ADAM28: variants seen among roughly 807,000 people sequenced by gnomAD.
ADAM28 encodes the protein ADAM metallopeptidase domain 28.
A neutral mutation model predicts 101.2 loss-of-function variants in ADAM28; 105 were observed. That is an observed-to-expected ratio of 1.04 (90% CI 0.89 to 1.22). ADAM28 has a LOEUF of 1.22. Among genes scored for constraint, ADAM28 ranks in the 50% most tolerant of loss-of-function variants. ADAM28 has a pLI of 0.00. For synonymous variants in ADAM28, 322 were observed against 310.6 expected (o/e 1.04, Z -0.39); for missense variants, 1,028 against 945.4 (o/e 1.09, Z -1.15).
chr8:24,306,645 A>C (rs1364275080), intron 2 of ADAM28, among the ~76,000 whole-genome samples: 1 of 152,004 alleles, frequency 6.6e-6, no homozygotes, highest in Non-Finnish European at 1.5e-5. Flanking sequence ...CACCATGGTC[A>C]TAGGGGGCAT....
intron 4 of ADAM28, chr8:24,310,509 G>C (rs1810311979): frequency 6.2e-6 from 2 of 320,468 alleles, no homozygotes; most frequent in African/African-American, 4.3e-5. Flanking sequence ...ATTTTCTTGA[G>C]AGTGAAGAGT....
chr8:24,294,794 T>G (rs973236715), intron 1 of ADAM28, among the ~76,000 whole-genome samples: 1 of 152,248 alleles, frequency 6.6e-6, no homozygotes, highest in Non-Finnish European at 1.5e-5. Context: ...TTGCTGATTA[T>G]ACCAAACATT....
intron 9 of ADAM28, among the ~76,000 whole-genome samples, chr8:24,326,122 C>T (rs939684307): frequency 6.6e-6 from 1 of 151,590 alleles, no homozygotes; most frequent in South Asian, 2.1e-4. Context: ...AATCCCTAAA[C>T]CTACTGTAGC....
intron 19 of ADAM28, 104 bp downstream of exon 19, chr8:24,350,076 C>G (rs1189997092): frequency 1.6e-5 from 16 of 1,004,766 alleles, no homozygotes; most frequent in Non-Finnish European, 2.1e-5. Context: ...TGGTTTACTT[C>G]TAATATTCAG....
intron 13 of ADAM28, among the ~76,000 whole-genome samples, chr8:24,333,047 C>T (rs376933928): frequency 6.6e-5 from 10 of 152,182 alleles, no homozygotes; most frequent in African/African-American, 2.4e-4. Context: ...AACATTATGC[C>T]AACTGAAATA....
chr8:24,341,674 C>T lies in ADAM28; in HGVS notation c.1747C>T (p.Leu583=). The T allele has an allele frequency of 1.2e-6, 2 of 1,613,864 alleles. No individual in the cohort carries two copies. The highest frequency in any genetic ancestry group is 1.7e-6 in the Non-Finnish European group (2 of 1,179,848). ...LPWKGRIVTF[L]TCKTFDPEDT... ...CTGGAAAGGACGGATAGTGACTTTC[C>T]TGACATGTAAAACATTTGATCCTGA... Residue 583 remains leucine (L), a synonymous_variant, in exon 16 of 23, where the codon CTG becomes TTG. Coordinates refer to ENST00000265769, the MANE Select transcript of ADAM28 (RefSeq NM_014265.6).
At chr8:24,306,966 A>G (rs1291310199) in intron 2 of ADAM28, among the ~76,000 whole-genome samples, 3 of 152,192 alleles carry the variant, frequency 2.0e-5, no homozygotes, top group Non-Finnish European at 4.4e-5. Flanking sequence ...AGCTAGTGAC[A>G]TCTTTGTTTG....
intron 19 of ADAM28, among the ~76,000 whole-genome samples, chr8:24,350,403 T>C (rs1414963609): frequency 6.6e-6 from 1 of 151,914 alleles, no homozygotes; most frequent in Non-Finnish European, 1.5e-5. Context: ...CCTCCACACC[T>C]CCCAGTTTCA....
chr8:24,340,503 T>A (rs1375858364), intron 15 of ADAM28, among the ~76,000 whole-genome samples: 2 of 151,782 alleles, frequency 1.3e-5, no homozygotes, highest in African/African-American at 4.8e-5. Flanking sequence ...GGGAAGAGAG[T>A]GGGTCTCGCC....
Position 24,294,094 on chromosome 8 carries a change from C to G in ADAM28, c.-56C>G. 1.2e-6 allele frequency: 2 copies of G among 1,602,114 alleles called. No homozygotes were observed. On this transcript the variant is annotated 5_prime_UTR_variant, in exon 1 of 23. Coordinates refer to ENST00000265769, the MANE Select transcript of ADAM28 (RefSeq NM_014265.6). ...ACTGGAGAGGAGGCAGGGACAGACC[C>G]AGCAGCACCCACCTGAGCGAGAAGA...
rs183377748 is a variant in ADAM28 at position 24,352,107 on chromosome 8, G to A, written c.2244+55G>A. The A allele has an allele frequency of 1.4e-3, 2,109 of 1,485,484 alleles. 3 individuals are homozygous for A. Among genetic ancestry groups the A allele is most frequent in the Non-Finnish European group, 1.8e-3 (1,939 of 1,063,696 alleles). The allele number at this position is 1,485,484 out of a possible 1,614,324, so 92.0% of individuals were successfully genotyped here. A position where few individuals can be genotyped will look rare whatever the true frequency, so the allele number is the denominator to read the frequency against. ...CCTAGTTCAATCTCCAGGAAATATC[G>A]GTGAAAGTCATAGCCCACAACACTT... On this transcript the variant is annotated intron_variant, in intron 21 of 22. Coordinates refer to ENST00000265769, the MANE Select transcript of ADAM28 (RefSeq NM_014265.6).
rs745603563 is a variant in ADAM28 at position 24,353,827 on chromosome 8, C to A, written c.2302C>A (p.Pro768Thr). ...TVFKDNPVST[P>T]KDSNPKA ...TTTCAAGGATAATCCAGTGTCTACA[C>A]CTAAGGTAAGAGATCTATAGCCAAA... The change falls in exon 22 of 23, where the codon CCT becomes ACT. Residue 768 changes from proline (P) to threonine (T), a missense_variant. Transcript: ENST00000265769. The A allele has an allele frequency of 2.6e-6, 4 of 1,515,908 alleles. No individual in the cohort carries two copies. The highest frequency in any genetic ancestry group is 3.7e-6 in the Non-Finnish European group (4 of 1,091,798). 93.9% of individuals were successfully genotyped at this position (1,515,908 alleles called of 1,614,324 possible).
intron 21 of ADAM28, 121 bp from the exon 22 acceptor site, chr8:24,353,649 G>C (rs916489516): frequency 4.1e-6 from 3 of 729,486 alleles, no homozygotes; most frequent in Non-Finnish European, 7.0e-6. Context: ...TTGAAAGTTG[G>C]GTAGAATTTA....
chr8:24,313,758 A>ATTT (rs11458720), intron 6 of ADAM28, among the ~76,000 whole-genome samples, 178 bp downstream of exon 6: 10 of 139,232 alleles, frequency 7.2e-5, no homozygotes, highest in African/African-American at 2.4e-4. Context: ...GGAATCAACT[A>ATTT]TTTTTTTTTT....
At chr8:24,320,834 C>T (rs1021825213) in intron 7 of ADAM28, among the ~76,000 whole-genome samples, 5 of 151,954 alleles carry the variant, frequency 3.3e-5, no homozygotes, top group Non-Finnish European at 7.4e-5. Context: ...ACCATTAGCT[C>T]AGGCCCTAAA....
intron 2 of ADAM28, among the ~76,000 whole-genome samples, chr8:24,302,646 G>A (rs773783652): frequency 6.6e-6 from 1 of 152,182 alleles, no homozygotes; most frequent in Non-Finnish European, 1.5e-5. Flanking sequence ...ACTGGTGTGA[G>A]ATGGTATCTC....
At chr8:24,317,834 G>C (rs1410290115) in intron 6 of ADAM28, among the ~76,000 whole-genome samples, 1 of 151,962 alleles carries the variant, frequency 6.6e-6, no homozygotes, top group Non-Finnish European at 1.5e-5. Context: ...GAAATGGGGA[G>C]ATTCGGGTCT....
At chr8:24,297,893 C>A (rs1172652922) in intron 1 of ADAM28, among the ~76,000 whole-genome samples, 1 of 152,016 alleles carries the variant, frequency 6.6e-6, no homozygotes, top group Non-Finnish European at 1.5e-5. Flanking sequence ...TGATGTTATT[C>A]TTTTCCTTTA....
intron 3 of ADAM28, 44 bp from the exon 4 acceptor site, chr8:24,310,119 A>T: frequency 6.3e-7 from 1 of 1,594,058 alleles, no homozygotes; most frequent in Admixed American, 1.7e-5. Flanking sequence ...TGGACTTAGC[A>T]ATCAGCACAA....
Sources: gnomAD v4.1 joint callset for allele counts (sites outside exome capture counted in the v4.1 genomes callset) on GRCh38, gnomAD v4.1.1 for gene constraint, MANE v1.5 for transcripts, NCBI Gene and HGNC (gene_info 2026-07-23, HGNC 2026-07-21) for gene names.